Variants in PGAP1 observed in about 807,000 individuals in gnomAD.
PGAP1 encodes the protein GPI inositol-deacylase.
In PGAP1, 76 loss-of-function variants were observed where a neutral mutation model predicts 127.0. The ratio of observed to expected loss-of-function variants is 0.60; its 90% CI spans 0.50 to 0.72. The LOEUF (loss-of-function observed/expected upper bound fraction) is 0.72, where lower values mean the gene tolerates loss of function less well. PGAP1 is among the 30% of genes least tolerant of loss of function. PGAP1 has a pLI of 0.00. For missense variants in PGAP1, 982 were observed against 1,071.3 expected, an observed-to-expected ratio of 0.92 and a Z score of 1.16; for synonymous variants, 362 against 366.5, an observed-to-expected ratio of 0.99 and a Z score of 0.14.
At position 196,926,487 on chromosome 2, in the gene PGAP1, C is replaced by CA; in HGVS notation, c.129dup (p.Glu44Ter). ...AACCTTACCTGATACTCCGGGTACT[C>CA]AAACATGTAGCTCATACTGCACTTA... On this transcript the variant is annotated frameshift_variant, in exon 1 of 27. Coordinates refer to ENST00000354764, the MANE Select transcript of PGAP1 (RefSeq NM_024989.4). LOFTEE classifies it high-confidence loss of function. 2 of 1,595,384 alleles carry CA rather than the reference C, an allele frequency of 1.3e-6. No individual in the cohort carries two copies. Among genetic ancestry groups the CA allele is most frequent in the Non-Finnish European group, 1.7e-6 (2 of 1,168,790 alleles).
intron 1 of PGAP1, chr2:196,922,577 GACACACACACAC>G (rs59881211): frequency 2.1e-4 from 81 of 388,352 alleles, no homozygotes; most frequent in South Asian, 4.3e-4. Context: ...CACACACACA[GACACACACACAC>G]ACACACACAC....
intron 23 of PGAP1, 54 bp from the exon 24 acceptor site, chr2:196,844,628 T>G: frequency 7.9e-7 from 1 of 1,269,984 alleles, no homozygotes. Context: ...ACAAAACATA[T>G]AAGCCTTTTG....
intron 20 of PGAP1, among the ~76,000 whole-genome samples, chr2:196,852,940 G>C (rs1335141018): frequency 3.9e-5 from 6 of 152,160 alleles, no homozygotes; most frequent in Admixed American, 3.3e-4. Context: ...TTCTGCATGT[G>C]ATCAAATTGG....
At chr2:196,892,249 G>A (rs1451904508) in intron 9 of PGAP1, 97 bp downstream of exon 9, 3 of 590,938 alleles carry the variant, frequency 5.1e-6, no homozygotes, top group Non-Finnish European at 9.0e-6. Context: ...AAAATGGCAT[G>A]CAGTTATCTT....
At chr2:196,893,297 T>C (rs773310610) in intron 7 of PGAP1, 52 bp from the exon 8 acceptor site, 1 of 982,872 alleles carries the variant, frequency 1.0e-6, no homozygotes, top group Admixed American at 1.9e-5. Flanking sequence ...TTGTAATAGC[T>C]TGATGAAACA....
intron 9 of PGAP1, among the ~76,000 whole-genome samples, chr2:196,891,360 G>C (rs1171352859): frequency 6.6e-6 from 1 of 152,044 alleles, no homozygotes; most frequent in Non-Finnish European, 1.5e-5. Flanking sequence ...TACAAAATAA[G>C]CTAAAATATC....
intron 5 of PGAP1, among the ~76,000 whole-genome samples, chr2:196,900,464 T>A (rs1467475718): frequency 6.6e-6 from 1 of 152,220 alleles, no homozygotes; most frequent in African/African-American, 2.4e-5. Flanking sequence ...ATTGTTACTG[T>A]TAATAACTTT....
rs536543783 is a variant in PGAP1 at position 196,886,322 on chromosome 2, G to A, written c.1174-442C>T. ...ATTACAGGTACCCACCACCATGCCCGGCTAATTTTTGTATTTTTAGTAGAG... is the reference window on the plus strand; with the variant it reads ...ATTACAGGTACCCACCACCATGCCCAGCTAATTTTTGTATTTTTAGTAGAG... On this transcript the variant is annotated intron_variant, in intron 10 of 26. Coordinates refer to ENST00000354764, the MANE Select transcript of PGAP1 (RefSeq NM_024989.4). Among the ~76,000 whole-genome samples, 13 of 151,508 alleles carry A rather than the reference G, an allele frequency of 8.6e-5. 1 individual carries two copies. The East Asian group carries it at 1.4e-3, about 16-fold the overall frequency.
intron 5 of PGAP1, among the ~76,000 whole-genome samples, chr2:196,901,230 A>G (rs191487525): frequency 3.8e-4 from 58 of 152,336 alleles, no homozygotes; most frequent in Admixed American, 1.2e-3. Flanking sequence ...TCATACCTCT[A>G]ATAATGAGGT....
chr2:196,890,794 C>G (rs1305437760), intron 10 of PGAP1, 34 bp downstream of exon 10: 1 of 1,274,914 alleles, frequency 7.8e-7, no homozygotes, highest in South Asian at 1.3e-5. Flanking sequence ...CAGTTAGCCT[C>G]TTAAATTTAC....
At chr2:196,881,520 G>A (rs772648059) in intron 12 of PGAP1, among the ~76,000 whole-genome samples, 17 of 152,038 alleles carry the variant, frequency 1.1e-4, no homozygotes, top group Non-Finnish European at 1.9e-4. Context: ...CTGCAACCTC[G>A]CCAGCATCTG....
Position 196,873,040 on chromosome 2 carries a change from T to A in PGAP1, c.1553-14A>T. Reference sequence around the variant, plus strand: ...TGGTTATTTCTTCTGTTAAAACATTTAAAAAATGTATTATTAACAACATGT... The same window carrying A: ...TGGTTATTTCTTCTGTTAAAACATTAAAAAAATGTATTATTAACAACATGT... On this transcript the variant is annotated splice_polypyrimidine_tract_variant and intron_variant, in intron 16 of 26. Transcript: ENST00000354764. 1.3e-6 allele frequency: 1 copy of A among 741,680 alleles called. No homozygotes were observed. The highest frequency in any genetic ancestry group is 2.3e-6 in the Non-Finnish European group (1 of 440,928). The allele number at this position is 741,680 out of a possible 1,614,324, so 45.9% of individuals were successfully genotyped here.
At chr2:196,873,945 T>C (rs1380933061) in intron 14 of PGAP1, 187 bp from the exon 15 acceptor site, 1 of 485,562 alleles carries the variant, frequency 2.1e-6, no homozygotes, top group Non-Finnish European at 3.6e-6. Context: ...ATAAATTTTA[T>C]TACTTCCAAT....
chr2:196,868,403 G>C (rs1424630628), intron 19 of PGAP1, among the ~76,000 whole-genome samples: 1 of 144,554 alleles, frequency 6.9e-6, no homozygotes, highest in African/African-American at 2.7e-5. Context: ...GATACAGCTG[G>C]GTATATAAGA....
Position 196,841,129 on chromosome 2 carries a change from G to T in PGAP1, c.*105C>A. 1 of 1,160,262 alleles carries T rather than the reference G, an allele frequency of 8.6e-7. No individual in the cohort carries two copies. The highest frequency in any genetic ancestry group is 1.2e-6 in the Non-Finnish European group (1 of 839,304). The allele number at this position is 1,160,262 out of a possible 1,614,324, so 71.9% of individuals were successfully genotyped here. A position where few individuals can be genotyped will look rare whatever the true frequency, so the allele number is the denominator to read the frequency against. On this transcript the variant is annotated 3_prime_UTR_variant, in exon 27 of 27. Transcript: ENST00000354764. ...TTTTCAATATTGTAAAAATAGACTT[G>T]TCTTCTCCAAAGGATCTTGCTGTCC...
chr2:196,843,738 A>T (rs1219811195), intron 25 of PGAP1, 150 bp downstream of exon 25: 4 of 406,678 alleles, frequency 9.8e-6, no homozygotes, highest in Non-Finnish European at 1.6e-5. Flanking sequence ...AAAAAATTAA[A>T]AATAAATAAA....
intron 1 of PGAP1, among the ~76,000 whole-genome samples, chr2:196,920,778 C>T (rs1254881126): frequency 6.6e-6 from 1 of 152,086 alleles, no homozygotes; most frequent in African/African-American, 2.4e-5. Flanking sequence ...GAATTAGTAT[C>T]TATTTCAGTT....
rs1044424676 is a variant in PGAP1, at chr2:196,838,636, T to C, written c.*2598A>G. ...AAATGTTTAATTAGAATCATTTTTG[T>C]AGTCCTTAAAATGAAATTTTTTTTG... is the stretch of plus-strand genomic sequence containing the variant. On this transcript the variant is annotated 3_prime_UTR_variant, in exon 27 of 27. Coordinates refer to ENST00000354764, the MANE Select transcript of PGAP1 (RefSeq NM_024989.4). 4.6e-5 allele frequency: 7 copies of C among 152,254 alleles called. No homozygotes were observed. Among genetic ancestry groups the C allele is most frequent in the African/African-American group, 1.7e-4 (7 of 41,472 alleles). The allele number at this position is 152,254 out of a possible 1,614,324, so 9.4% of individuals were successfully genotyped here.
chr2:196,854,302 T>C (rs966474737), intron 20 of PGAP1, among the ~76,000 whole-genome samples: 1 of 152,168 alleles, frequency 6.6e-6, no homozygotes. Flanking sequence ...TGTAGAGATA[T>C]TAAATGATTA....
Sources: allele counts gnomAD v4.1 joint callset (sites outside exome capture counted in the v4.1 genomes callset), GRCh38; gene constraint gnomAD v4.1.1; transcripts MANE v1.5; gene names NCBI Gene and HGNC (gene_info 2026-07-23, HGNC 2026-07-21).